NACAD: variants seen among roughly 807,000 people sequenced by gnomAD.
NACAD encodes NAC-alpha domain-containing protein 1.
NACAD carries 47 observed loss-of-function variants against 98.9 expected under a neutral mutation model. The ratio of observed to expected loss-of-function variants is 0.48; its 90% CI spans 0.38 to 0.61. The LOEUF is 0.61. Among genes scored for constraint, NACAD ranks in the 20% least tolerant of loss-of-function variants. NACAD has a pLI of 0.00. For synonymous variants in NACAD, 696 were observed against 767.2 expected (o/e 0.91, Z 1.53); for missense variants, 1,412 against 1,748.2 (o/e 0.81, Z 3.43).
Position 45,082,228 on chromosome 7 carries a change from G to T in NACAD, c.3952C>A (p.Leu1318Met). The T allele has an allele frequency of 6.5e-7, 1 of 1,547,272 alleles. No homozygotes were observed. Among genetic ancestry groups the T allele is most frequent in the Non-Finnish European group, 8.7e-7 (1 of 1,144,866 alleles). The change falls in exon 2 of 8, where the codon CTG (leucine) becomes ATG (methionine). Residue 1318 changes from leucine to methionine, a missense_variant. By Grantham distance (15) the Leu-to-Met change is conservative (BLOSUM62 2). Coordinates refer to ENST00000490531, the MANE Select transcript of NACAD (RefSeq NM_001146334.2). The surrounding 1 kb of genome is among the most constrained non-coding windows in gnomAD (Gnocchi z 4.5). ...PKVASMDAKD[L>M]ALQILPPCQV... ...CAAGGCGGCAAGATCTGCAAGGCCA[G>T]GTCTTTGGCATCCATGGAGGCCACC...
chr7:45,080,825 T>C (rs1217417862), intron 6 of NACAD, 51 bp downstream of exon 6: 8 of 1,549,126 alleles, frequency 5.2e-6, no homozygotes, highest in African/African-American at 4.1e-5. Context: ...AGAGCCCCCA[T>C]GTAGCGCCTC....
rs1784426758 is a variant in NACAD, at chr7:45,081,280, GA to G, written c.4258-18del. ...TGACATTGCCTGGGAGTAGAGGGCAGAGGGGGGCTCAGACCTGGTGTTGACC... is the reference window on the plus strand; with the variant it reads ...TGACATTGCCTGGGAGTAGAGGGCAGGGGGGGCTCAGACCTGGTGTTGACC... On this transcript the variant is annotated intron_variant, in intron 4 of 7. Coordinates refer to ENST00000490531, the MANE Select transcript of NACAD (RefSeq NM_001146334.2). The G allele has an allele frequency of 6.4e-7, 1 of 1,550,426 alleles. No homozygotes were observed.
chr7:45,082,248 G>A lies in NACAD; in HGVS notation c.3932C>T (p.Ala1311Val), dbSNP rs2128640395. 6.5e-7 allele frequency: 1 copy of A among 1,549,132 alleles called. No individual in the cohort carries two copies. The change falls in exon 2 of 8, where the codon GCC becomes GTC. Residue 1311 changes from alanine to valine, a missense_variant. By Grantham distance (64) the Ala-to-Val change is moderately conservative (BLOSUM62 0). Transcript: ENST00000490531. The surrounding 1 kb of genome is among the most constrained non-coding windows in gnomAD (Gnocchi z 4.5). The part of the protein sequence containing the change: ...PHSPLLSPKV[A>V]SMDAKDLALQ... ...GGCCAGGTCTTTGGCATCCATGGAGGCCACCTTGGGGCTGAGGAGTGGGGA... is the reference window on the plus strand; with the variant it reads ...GGCCAGGTCTTTGGCATCCATGGAGACCACCTTGGGGCTGAGGAGTGGGGA...
chr7:45,088,933 A>T lies in NACAD; in HGVS notation c.-39T>A, dbSNP rs1784563001. On this transcript the variant is annotated 5_prime_UTR_variant, in exon 1 of 8. Transcript: ENST00000490531. This position sits in a 1 kb window ranked among gnomAD's most constrained non-coding sequence, Gnocchi z 5.7. Reference sequence around the variant, plus strand: ...GCCCGCCCGTCCCTCAGTCCTTCCGACCCTCCGTCAGTCCGTGCCGCCGCC... The same window carrying T: ...GCCCGCCCGTCCCTCAGTCCTTCCGTCCCTCCGTCAGTCCGTGCCGCCGCC... The T allele has an allele frequency of 7.7e-7, 1 of 1,307,068 alleles. No homozygotes were observed. 81.0% of individuals were successfully genotyped at this position (1,307,068 alleles called of 1,614,324 possible). A position where few individuals can be genotyped will look rare whatever the true frequency, so the allele number is the denominator to read the frequency against.
In NACAD at chr7:45,082,908, TGTTCCTGTGCCA is replaced by T; in HGVS notation, c.3260_3271del (p.Leu1087_Glu1090del). On this transcript the variant is annotated inframe_deletion, in exon 2 of 8. Coordinates refer to ENST00000490531, the MANE Select transcript of NACAD (RefSeq NM_001146334.2). This position sits in a 1 kb window ranked among gnomAD's most constrained non-coding sequence, Gnocchi z 4.5. ...ACCTCCAAGTGCTGACCTGGGTCCA[TGTTCCTGTGCCA>T]GTGGCTTCAGGCCTCCTTCCTGCTG... The T allele has an allele frequency of 6.4e-7, 1 of 1,551,140 alleles. No homozygotes were observed. The highest frequency in any genetic ancestry group is 8.7e-7 in the Non-Finnish European group (1 of 1,146,996).
chr7:45,085,694 A>G lies in NACAD; in HGVS notation c.486T>C (p.Ser162=), dbSNP rs1173817126. The G allele has an allele frequency of 2.6e-6, 4 of 1,549,894 alleles. No individual in the cohort carries two copies. The East Asian group carries it at 7.3e-5, about 28-fold the overall frequency. ...PPELCSQGDL[S]VPSPPPDPDS... ...CAGGGTCTGGGGGAGGGGAAGGCAC[A>G]GAAAGATCACCCTGAGAACACAGCT... The change falls in exon 2 of 8, where the codon TCT becomes TCC. Residue 162 remains serine (S), a synonymous_variant. Transcript: ENST00000490531. This position sits in a 1 kb window ranked among gnomAD's most constrained non-coding sequence, Gnocchi z 6.1.
chr7:45,080,888 C>CTCCTCT lies in NACAD; in HGVS notation c.4533_4538dup (p.Glu1516_Glu1517dup), dbSNP rs1398395153. ...CCCTGCACTTCACCTCTTCCTCCTC[C>CTCCTCT]TCCTCTTCCTCTTCCTTGCACTCCA... On this transcript the variant is annotated inframe_insertion, in exon 6 of 8. Coordinates refer to ENST00000490531, the MANE Select transcript of NACAD (RefSeq NM_001146334.2). 1 of 1,557,624 alleles carries CTCCTCT rather than the reference C, an allele frequency of 6.4e-7. No homozygotes were observed. Among genetic ancestry groups the CTCCTCT allele is most frequent in the African/African-American group, 1.4e-5 (1 of 73,302 alleles).
At chr7:45,081,973 C>T (rs1784437343) in intron 2 of NACAD, 106 bp from the exon 3 acceptor site, 1 of 1,441,172 alleles carries the variant, frequency 6.9e-7, no homozygotes, top group Non-Finnish European at 9.3e-7. Flanking sequence ...GGAAGCAGTG[C>T]CAGCTCTCCA....
At position 45,085,229 on chromosome 7, in the gene NACAD, G is replaced by T. The variant is rs1389524414; in HGVS notation, c.951C>A (p.Leu317=). The change falls in exon 2 of 8, where the codon CTC becomes CTA. Residue 317 remains leucine, a synonymous_variant. Transcript: ENST00000490531. This position sits in a 1 kb window ranked among gnomAD's most constrained non-coding sequence, Gnocchi z 6.1. Reference sequence around the variant, plus strand: ...CCTCCACTGCCTCCACCTGAAAGATGAGGCTGCCCTGGAAGGGTAGGAGGG... The same window carrying T: ...CCTCCACTGCCTCCACCTGAAAGATTAGGCTGCCCTGGAAGGGTAGGAGGG... The part of the protein sequence containing the change: ...PAALLPFQGS[L]IFQVEAVEVT... The T allele has an allele frequency of 6.4e-7, 1 of 1,551,456 alleles. No individual in the cohort carries two copies. Among genetic ancestry groups the T allele is most frequent in the Non-Finnish European group, 8.7e-7 (1 of 1,146,934 alleles).
intron 1 of NACAD, 92 bp from the exon 2 acceptor site, chr7:45,086,204 C>A: frequency 7.3e-7 from 1 of 1,361,518 alleles, no homozygotes; most frequent in Non-Finnish European, 9.9e-7. Flanking sequence ...TGCATAGGGC[C>A]CAGAGGAAGG....
In NACAD at chr7:45,085,598, G is replaced by T; in HGVS notation, c.582C>A (p.His194Gln). ...CAGCCTCTGAGTCCCTGGCGTCCCC[G>T]TGGGGCCCACAGGCAGGAAGCAGGG... ...TYALLPACGP[H>Q]GDARDSEAEL... The change falls in exon 2 of 8, where the codon CAC (histidine) becomes CAA (glutamine). Residue 194 changes from histidine (H) to glutamine (Q), a missense_variant. Physicochemically the swap from His to Gln is conservative, Grantham distance 24. Around this residue, in one of 5 missense-constraint regions of NACAD, gnomAD observed 638 missense variants for 722.7 expected, o/e 0.88. Transcript: ENST00000490531. This position sits in a 1 kb window ranked among gnomAD's most constrained non-coding sequence, Gnocchi z 6.1. The T allele has an allele frequency of 6.5e-7, 1 of 1,549,952 alleles. No homozygotes were observed. The highest frequency in any genetic ancestry group is 8.7e-7 in the Non-Finnish European group (1 of 1,146,664).
chr7:45,081,129 A>G lies in NACAD; in HGVS notation c.4392T>C (p.Phe1464=), dbSNP rs928409788. ...CCGCCACCCAGACCTTGGCCTCGCC[A>G]AAGACCACATAAGTGTCTGAGGCTG... ...KSPASDTYVV[F]GEAKIEDLSQ... Residue 1464 remains phenylalanine (F), a synonymous_variant, in exon 5 of 8, where the codon TTT becomes TTC. Coordinates refer to ENST00000490531, the MANE Select transcript of NACAD (RefSeq NM_001146334.2). 8.4e-6 allele frequency: 13 copies of G among 1,551,382 alleles called. No homozygotes were observed. In the African/African-American group the frequency reaches 1.4e-4, roughly 16 times the overall value.
chr7:45,087,377 C>T (rs774670080), intron 1 of NACAD, among the ~76,000 whole-genome samples: 2 of 152,240 alleles, frequency 1.3e-5, no homozygotes, highest in African/African-American at 4.8e-5. Context: ...TGGACCTAGG[C>T]CAAAGGCACC....
intron 7 of NACAD, 21 bp from the exon 8 acceptor site, chr7:45,080,544 G>A: frequency 3.2e-6 from 5 of 1,551,456 alleles, no homozygotes; most frequent in Non-Finnish European, 4.4e-6. Context: ...AGATGGTCAT[G>A]TTGGGGGAAG....
rs1453907834 is a variant in NACAD at position 45,085,554 on chromosome 7, A to G, written c.626T>C (p.Leu209Pro). 6.5e-7 allele frequency: 1 copy of G among 1,550,214 alleles called. No individual in the cohort carries two copies. Among genetic ancestry groups the G allele is most frequent in the Non-Finnish European group, 8.7e-7 (1 of 1,146,838 alleles). ...CGAGGGTGAGGCGGGGGGCGAGTCCAGCAGCTCATCCCGCAGCTCAGCCTC... is the reference window on the plus strand; with the variant it reads ...CGAGGGTGAGGCGGGGGGCGAGTCCGGCAGCTCATCCCGCAGCTCAGCCTC... Reference protein sequence around the residue: ...DSEAELRDELLDSPPASPSGS... With the variant: ...DSEAELRDELPDSPPASPSGS... Residue 209 changes from leucine to proline, a missense_variant, in exon 2 of 8, where the codon CTG becomes CCG. Physicochemically the swap from Leu to Pro is moderately conservative, Grantham distance 98. This residue lies in a region of NACAD where 638 missense variants were observed against 722.7 expected (regional missense o/e 0.88). Coordinates refer to ENST00000490531, the MANE Select transcript of NACAD (RefSeq NM_001146334.2). The surrounding 1 kb of genome is among the most constrained non-coding windows in gnomAD (Gnocchi z 6.1).
Position 45,082,666 on chromosome 7 carries a change from C to A in NACAD, c.3514G>T (p.Ala1172Ser), listed in dbSNP as rs1350948109. Residue 1172 changes from alanine to serine, a missense_variant, in exon 2 of 8, where the codon GCC becomes TCC. Ala to Ser is a moderately conservative substitution (Grantham distance 99, BLOSUM62 1). Transcript: ENST00000490531. This position sits in a 1 kb window ranked among gnomAD's most constrained non-coding sequence, Gnocchi z 4.5. ...SLDRGCPDAP[A>S]PTSAPTSQQP... ...TGGGAGGTTGGTGCAGACGTGGGGGCAGGCGCGTCAGGGCAGCCTCTGTCC... is the reference window on the plus strand; with the variant it reads ...TGGGAGGTTGGTGCAGACGTGGGGGAAGGCGCGTCAGGGCAGCCTCTGTCC... 2.0e-6 allele frequency: 3 copies of A among 1,506,054 alleles called. No homozygotes were observed. The highest frequency in any genetic ancestry group is 2.7e-6 in the Non-Finnish European group (3 of 1,123,602). 93.3% of individuals were successfully genotyped at this position (1,506,054 alleles called of 1,614,324 possible). A position where few individuals can be genotyped will look rare whatever the true frequency, so the allele number is the denominator to read the frequency against.
At chr7:45,080,833 C>CT in intron 6 of NACAD, 43 bp downstream of exon 6, 1 of 1,549,566 alleles carries the variant, frequency 6.5e-7, no homozygotes, top group Non-Finnish European at 8.7e-7. Context: ...CATGTAGCGC[C>CT]TCCCACCACC....
At chr7:45,081,484 C>T (rs1256834507) in intron 4 of NACAD, 117 bp downstream of exon 4, 1 of 1,377,616 alleles carries the variant, frequency 7.3e-7, no homozygotes, top group Non-Finnish European at 9.9e-7. Context: ...TGGCATGGAC[C>T]CAAAGGTCCC....
Position 45,081,099 on chromosome 7 carries a change from C to T in NACAD, c.4404+18G>A, listed in dbSNP as rs970322755. ...CTATCCCTCGGATCCCCCATTCCAC[C>T]ACAGCCGCCACCCAGACCTTGGCCT... On this transcript the variant is annotated intron_variant, in intron 5 of 7. Coordinates refer to ENST00000490531, the MANE Select transcript of NACAD (RefSeq NM_001146334.2). The T allele has an allele frequency of 6.4e-7, 1 of 1,551,066 alleles. No individual in the cohort carries two copies. The highest frequency in any genetic ancestry group is 8.7e-7 in the Non-Finnish European group (1 of 1,146,850).
Sources: gnomAD v4.1 joint callset for allele counts (sites outside exome capture counted in the v4.1 genomes callset) on GRCh38, gnomAD v4.1.1 for gene constraint, gnomAD v4.1.1 regional missense constraint, Gnocchi (gnomAD v3.1) non-coding constraint, MANE v1.5 for transcripts, NCBI Gene and HGNC (gene_info 2026-07-23, HGNC 2026-07-21) for gene names.